CDH20: variants seen among roughly 807,000 people sequenced by gnomAD.
The protein encoded by CDH20 is cadherin 20.
Under a neutral mutation model 74.2 loss-of-function variants are expected in CDH20, and 29 were observed. The ratio of observed to expected loss-of-function variants is 0.39; its 90% CI spans 0.29 to 0.53. CDH20 has a LOEUF of 0.53. Ranked by LOEUF, CDH20 falls within the 20% of genes least tolerant of loss-of-function variation. The pLI, the probability that CDH20 is intolerant of heterozygous loss-of-function variation, is 0.69. For synonymous variants in CDH20, 469 were observed against 405.4 expected (o/e 1.16, Z -1.88); for missense variants, 988 against 1,048.3 (o/e 0.94, Z 0.79).
chr18:61,370,646 T>C (rs1049813420), intron 1 of CDH20, among the ~76,000 whole-genome samples: 3 of 152,102 alleles, frequency 2.0e-5, no homozygotes, highest in Non-Finnish European at 4.4e-5. Flanking sequence ...TTTGTGGTGA[T>C]AGCACTTAAA....
intron 1 of CDH20, among the ~76,000 whole-genome samples, chr18:61,395,839 C>G (rs1170391159): frequency 2.0e-5 from 3 of 152,180 alleles, no homozygotes; most frequent in Non-Finnish European, 4.4e-5. Context: ...TCGCGACCAT[C>G]CTGGCCAACA....
At chr18:61,378,490 G>T (rs1054790991) in intron 1 of CDH20, among the ~76,000 whole-genome samples, 1 of 152,150 alleles carries the variant, frequency 6.6e-6, no homozygotes. Context: ...GCCTGCTCGC[G>T]TTGGACAGAG....
At chr18:61,367,627 T>C (rs563079058) in intron 1 of CDH20, among the ~76,000 whole-genome samples, 2 of 152,266 alleles carry the variant, frequency 1.3e-5, no homozygotes, top group East Asian at 3.9e-4. Context: ...GCCAGTCAAG[T>C]CTTTCTCACC....
At chr18:61,397,243 TC>T (rs1325764643) in intron 1 of CDH20, among the ~76,000 whole-genome samples, 1 of 151,972 alleles carries the variant, frequency 6.6e-6, no homozygotes, top group Non-Finnish European at 1.5e-5. Flanking sequence ...TCCATCTATT[TC>T]CCATCGTCAC....
At chr18:61,512,335 C>T (rs544817284) in intron 6 of CDH20, among the ~76,000 whole-genome samples, 1 of 152,282 alleles carries the variant, frequency 6.6e-6, no homozygotes, top group Middle Eastern at 3.4e-3. Flanking sequence ...TATCTTCCAT[C>T]TTACGACAAG....
chr18:61,468,428 G>A (rs1910044145), intron 1 of CDH20, among the ~76,000 whole-genome samples: 1 of 152,300 alleles, frequency 6.6e-6, no homozygotes, highest in African/African-American at 2.4e-5. Flanking sequence ...GTGTAGGTGT[G>A]TGAGTGTGTG....
chr18:61,452,333 G>A (rs552564034), intron 1 of CDH20, among the ~76,000 whole-genome samples: 3 of 152,124 alleles, frequency 2.0e-5, no homozygotes, highest in East Asian at 3.9e-4. Context: ...CAAAACTCTT[G>A]CACCAAAAAC....
chr18:61,415,537 T>C (rs937558573), intron 1 of CDH20, among the ~76,000 whole-genome samples: 3 of 152,164 alleles, frequency 2.0e-5, no homozygotes, highest in Admixed American at 2.0e-4. Context: ...AGAAATGTAT[T>C]GTTCACTCAT....
chr18:61,458,164 T>C (rs1024176923), intron 1 of CDH20, among the ~76,000 whole-genome samples: 12 of 152,190 alleles, frequency 7.9e-5, no homozygotes, highest in African/African-American at 2.9e-4. Flanking sequence ...TCTCATTCCC[T>C]ACAACCTCCT....
intron 2 of CDH20, among the ~76,000 whole-genome samples, chr18:61,491,180 T>G (rs925849753): frequency 2.0e-5 from 3 of 152,040 alleles, no homozygotes; most frequent in Non-Finnish European, 4.4e-5. Flanking sequence ...TTTTGTGGGG[T>G]TTTTTTCAGA....
intron 4 of CDH20, 24 bp from the exon 5 acceptor site, chr18:61,502,929 A>C (rs1051944815): frequency 6.4e-7 from 1 of 1,570,676 alleles, no homozygotes; most frequent in African/African-American, 1.4e-5. Context: ...TATTTTTATA[A>C]ACAAAGTCAT....
rs1049965357 is a variant in CDH20, at chr18:61,426,141, T to G, written c.-152-64261T>G. ...ATTCTTTGGGATTTTCTATATATACTATTGTGTCATCTGGAAATAAAGTCA... is the reference window on the plus strand; with the variant it reads ...ATTCTTTGGGATTTTCTATATATACGATTGTGTCATCTGGAAATAAAGTCA... On this transcript the variant is annotated intron_variant, in intron 1 of 11. Coordinates refer to ENST00000262717, the MANE Select transcript of CDH20 (RefSeq NM_031891.4). 2.6e-5 allele frequency among the ~76,000 whole-genome samples: 4 copies of G among 152,208 alleles called. No individual in the cohort carries two copies. In the South Asian group the frequency reaches 8.3e-4, roughly 32 times the overall value.
Position 61,540,765 on chromosome 18 carries a change from A to T in CDH20, c.1530+1620A>T, listed in dbSNP as rs189533119. Reference sequence around the variant, plus strand: ...CTCCAGCATCTTGCTGCACAGAGAGACTAGGTCTGCATAACCAAAACTTAT... The same window carrying T: ...CTCCAGCATCTTGCTGCACAGAGAGTCTAGGTCTGCATAACCAAAACTTAT... On this transcript the variant is annotated intron_variant, in intron 9 of 11. Coordinates refer to ENST00000262717, the MANE Select transcript of CDH20 (RefSeq NM_031891.4). 9.1e-4 allele frequency among the ~76,000 whole-genome samples: 138 copies of T among 152,280 alleles called. 2 individuals carry two copies. In the East Asian group the frequency reaches 0.024, roughly 27 times the overall value.
intron 2 of CDH20, among the ~76,000 whole-genome samples, chr18:61,497,101 AAG>A (rs377545662): frequency 7.3e-6 from 1 of 137,670 alleles, no homozygotes; most frequent in African/African-American, 2.7e-5. Context: ...AAAAAAAAAA[AAG>A]AAAGAAAGAA....
At chr18:61,449,419 G>A (rs892713577) in intron 1 of CDH20, among the ~76,000 whole-genome samples, 1 of 152,092 alleles carries the variant, frequency 6.6e-6, no homozygotes, top group Non-Finnish European at 1.5e-5. Context: ...TTGCTGTCAT[G>A]TGTTAAATTA....
At chr18:61,552,989 G>A (rs1374288028) in intron 11 of CDH20, among the ~76,000 whole-genome samples, 2 of 152,074 alleles carry the variant, frequency 1.3e-5, no homozygotes, top group African/African-American at 4.8e-5. Flanking sequence ...TGCACACAGG[G>A]AAAATACACA....
chr18:61,479,111 T>C (rs1478007714), intron 1 of CDH20, among the ~76,000 whole-genome samples: 1 of 152,078 alleles, frequency 6.6e-6, no homozygotes, highest in African/African-American at 2.4e-5. Flanking sequence ...TTCAAACCTT[T>C]CTTTTCTATT....
At chr18:61,405,312 G>A in intron 1 of CDH20, 1 of 270,676 alleles carries the variant, frequency 3.7e-6, no homozygotes, top group Non-Finnish European at 7.1e-6. Context: ...ATAGGGTTGG[G>A]TTTGGTGGCT....
chr18:61,430,026 T>C (rs1295697762), intron 1 of CDH20, among the ~76,000 whole-genome samples: 1 of 151,372 alleles, frequency 6.6e-6, no homozygotes, highest in Admixed American at 6.6e-5. Flanking sequence ...CAGCACAGGC[T>C]CTATGGAGTG....
Sources: allele counts gnomAD v4.1 joint callset (sites outside exome capture counted in the v4.1 genomes callset), GRCh38; gene constraint gnomAD v4.1.1; transcripts MANE v1.5; gene names NCBI Gene and HGNC (gene_info 2026-07-23, HGNC 2026-07-21).